Variants in TRHDE observed in about 807,000 individuals in gnomAD.
TRHDE encodes thyrotropin-releasing hormone-degrading ectoenzyme.
In TRHDE, 72 loss-of-function variants were observed where a neutral mutation model predicts 125.7. That is an observed-to-expected ratio of 0.57 (90% CI 0.47 to 0.70). TRHDE has a LOEUF of 0.70. TRHDE is among the 30% of genes least tolerant of loss of function. The pLI is 0.00. For missense variants in TRHDE, 1,110 were observed against 1,327.1 expected (o/e 0.84, Z 2.54); for synonymous variants, 509 against 509.1 (o/e 1.00, Z 0.00).
chr12:72,350,925 T>C (rs1870553214), intron 2 of TRHDE, among the ~76,000 whole-genome samples: 1 of 151,968 alleles, frequency 6.6e-6, no homozygotes, highest in Non-Finnish European at 1.5e-5. Context: ...TGAGTGTCTA[T>C]AGTAAAAGAA....
chr12:72,177,355 T>C (rs1877011259), intron 2 of TRHDE, among the ~76,000 whole-genome samples: 1 of 152,138 alleles, frequency 6.6e-6, no homozygotes, highest in Non-Finnish European at 1.5e-5. Flanking sequence ...AAAATATACA[T>C]CATACCTTAA....
chr12:72,535,789 G>C (rs1358635690), intron 6 of TRHDE, among the ~76,000 whole-genome samples: 1 of 152,038 alleles, frequency 6.6e-6, no homozygotes, highest in Non-Finnish European at 1.5e-5. Flanking sequence ...AACAAATCTT[G>C]TTAGAACATT....
At chr12:72,592,708 CT>C (rs35446767) in intron 12 of TRHDE, among the ~76,000 whole-genome samples, 10,264 of 144,492 alleles carry the variant, frequency 0.071, 401 homozygotes, top group Middle Eastern at 0.11. Context: ...TCTTTTCTTT[CT>C]TTTTTTTTTT....
chr12:72,270,195 T>C (rs1033994815), upstream of TRHDE, among the ~76,000 whole-genome samples: 4 of 151,986 alleles, frequency 2.6e-5, no homozygotes, highest in Admixed American at 1.3e-4. Flanking sequence ...ACAGCAAGAG[T>C]ACAGACATTT....
chr12:72,555,370 A>G (rs1869871047), intron 7 of TRHDE, among the ~76,000 whole-genome samples: 1 of 151,990 alleles, frequency 6.6e-6, no homozygotes, highest in Admixed American at 6.6e-5. Context: ...CTTTCTTTTC[A>G]TGTCCAGTGG....
chr12:72,142,338 C>A (rs1399478068), intron 2 of TRHDE, among the ~76,000 whole-genome samples: 1 of 152,094 alleles, frequency 6.6e-6, no homozygotes. Context: ...TTTTAATAAA[C>A]CTCCACTTCT....
rs1394072523 is a variant in TRHDE, at chr12:72,272,888, A to C, written c.245A>C (p.His82Pro). ...ACCACGGAGCGCCACATCGCCGTAC[A>C]CAAGCGGCTTGTGCTGGCCTTCGCT... ...PRTTERHIAV[H>P]KRLVLAFAVS... is the part of the protein sequence containing the mutation. The change falls in exon 1 of 19, where the codon CAC becomes CCC. Residue 82 changes from histidine to proline, a missense_variant. His to Pro is a moderately conservative substitution (Grantham distance 77, BLOSUM62 -2). This residue lies in a region of TRHDE where 248 missense variants were observed against 240.8 expected (regional missense o/e 1.03). Transcript: ENST00000261180. The surrounding 1 kb of genome is among the most constrained non-coding windows in gnomAD (Gnocchi z 6.7). The C allele has an allele frequency of 1.3e-6, 2 of 1,580,432 alleles. No homozygotes were observed.
chr12:72,632,731 CAAAAA>C (rs35575828), intron 15 of TRHDE, among the ~76,000 whole-genome samples: 1 of 127,470 alleles, frequency 7.8e-6, no homozygotes. Context: ...AACATTGGAC[CAAAAA>C]AAAAAAAAAA....
intron 2 of TRHDE, among the ~76,000 whole-genome samples, chr12:72,178,291 A>G (rs762661309): frequency 3.2e-4 from 48 of 152,124 alleles, no homozygotes; most frequent in Admixed American, 3.0e-3. Flanking sequence ...GTTTACTGCT[A>G]TTATAAATTG....
intron 2 of TRHDE, among the ~76,000 whole-genome samples, chr12:72,298,610 A>G (rs1469218546): frequency 6.6e-6 from 1 of 152,084 alleles, no homozygotes. Context: ...GTGAAAGATG[A>G]GGTTGGAGGT....
At chr12:72,506,794 G>A (rs1878374356) in intron 6 of TRHDE, among the ~76,000 whole-genome samples, 3 of 152,158 alleles carry the variant, frequency 2.0e-5, no homozygotes. Context: ...TGCTATCAGA[G>A]TATTTCCAGA....
intron 3 of TRHDE, among the ~76,000 whole-genome samples, chr12:72,404,461 C>CA (rs1341455303): frequency 6.6e-6 from 1 of 151,828 alleles, no homozygotes; most frequent in Non-Finnish European, 1.5e-5. Context: ...CAAAACAAAA[C>CA]AAAAAACAAA....
chr12:72,477,512 C>T (rs1288503858), intron 5 of TRHDE, among the ~76,000 whole-genome samples: 1 of 152,170 alleles, frequency 6.6e-6, no homozygotes, highest in African/African-American at 2.4e-5. Context: ...GGATTCATAG[C>T]ATGAATAGTC....
intron 3 of TRHDE, among the ~76,000 whole-genome samples, chr12:72,414,449 G>A (rs1873645285): frequency 6.6e-6 from 1 of 152,002 alleles, no homozygotes. Flanking sequence ...AAGAAAGAAG[G>A]ATTAAAAAGA....
Position 72,536,020 on chromosome 12 carries a change from C to G in TRHDE, c.1723-6271C>G, listed in dbSNP as rs537264499. 4.9e-4 allele frequency among the ~76,000 whole-genome samples: 75 copies of G among 152,246 alleles called. 1 individual carries two copies. The highest frequency in any genetic ancestry group is 2.0e-3 in the Admixed American group (30 of 15,262). The stretch of plus-strand genomic sequence containing the variant: ...AAGCACCTAATCCCTTCACCTCAGT[C>G]TCTCCTGTATGTCAACGGAAAGTAA... On this transcript the variant is annotated intron_variant, in intron 6 of 18. Transcript: ENST00000261180.
intron 2 of TRHDE, among the ~76,000 whole-genome samples, chr12:72,355,107 T>G (rs1361278230): frequency 1.3e-5 from 2 of 151,512 alleles, no homozygotes; most frequent in African/African-American, 4.8e-5. Context: ...GAGAATAATC[T>G]TATTCAAATA....
intron 2 of TRHDE, among the ~76,000 whole-genome samples, chr12:72,213,483 T>C (rs1877825675): frequency 6.6e-6 from 1 of 152,136 alleles, no homozygotes; most frequent in South Asian, 2.1e-4. Context: ...TTCAAACAAA[T>C]TTTAGACAGG....
rs558221377 is a variant in TRHDE, at chr12:72,297,393, T to A, written c.1188+10439T>A. Among the ~76,000 whole-genome samples the A allele has an allele frequency of 3.3e-5, 5 of 152,282 alleles. No homozygotes were observed. The East Asian group carries it at 9.6e-4, about 29-fold the overall frequency. On this transcript the variant is annotated intron_variant, in intron 2 of 18. Coordinates refer to ENST00000261180, the MANE Select transcript of TRHDE (RefSeq NM_013381.3). ...GGTTTCAGATTTCAGGGTGAGTTGG[T>A]GGAATTTTAAGCCTGTTATTGCAAA...
At chr12:72,544,709 C>T (rs1244120256) in intron 7 of TRHDE, among the ~76,000 whole-genome samples, 1 of 151,164 alleles carries the variant, frequency 6.6e-6, no homozygotes, top group African/African-American at 2.4e-5. Context: ...TTTATGTATC[C>T]TTACGACCCA....
Sources: allele counts gnomAD v4.1 joint callset (sites outside exome capture counted in the v4.1 genomes callset), GRCh38; gene constraint gnomAD v4.1.1; regional missense constraint gnomAD v4.1.1; non-coding constraint Gnocchi (gnomAD v3.1); transcripts MANE v1.5; gene names NCBI Gene and HGNC (gene_info 2026-07-23, HGNC 2026-07-21).